The following ROBO2 variants were observed in gnomAD, a reference collection of about 807,000 sequenced individuals.
ROBO2 encodes the protein roundabout guidance receptor 2, also known as roundabout homolog 2.
A neutral mutation model predicts 160.8 loss-of-function variants in ROBO2; 53 were observed. The ratio of observed to expected loss-of-function variants is 0.33; its 90% CI spans 0.26 to 0.41. The LOEUF (loss-of-function observed/expected upper bound fraction) is 0.41, where lower values mean the gene tolerates loss of function less well. ROBO2 is among the 10% of genes least tolerant of loss of function. The pLI, the probability that ROBO2 is intolerant of heterozygous loss-of-function variation, is 1.00. For synonymous variants in ROBO2, 664 were observed against 611.7 expected, an observed-to-expected ratio of 1.09 and a Z score of -1.26; for missense variants, 1,577 against 1,722.4, an observed-to-expected ratio of 0.92 and a Z score of 1.49.
intron 2 of ROBO2, among the ~76,000 whole-genome samples, chr3:77,217,778 T>C (rs548778953): frequency 4.6e-5 from 7 of 152,318 alleles, no homozygotes; most frequent in African/African-American, 1.7e-4. Flanking sequence ...GCTATCTAGA[T>C]TAATTCTATT....
intron 2 of ROBO2, among the ~76,000 whole-genome samples, chr3:76,649,883 A>G (rs1237530345): frequency 6.6e-6 from 1 of 152,196 alleles, no homozygotes; most frequent in East Asian, 1.9e-4. Flanking sequence ...ATCCATGAAT[A>G]GTAATATTAT....
At chr3:76,087,696 C>G (rs1312268268) in intron 2 of ROBO2, among the ~76,000 whole-genome samples, 3 of 151,906 alleles carry the variant, frequency 2.0e-5, no homozygotes, top group African/African-American at 7.2e-5. Flanking sequence ...ATTGTTTATA[C>G]TTCTGTTCAT....
intron 23 of ROBO2, chr3:77,632,409 A>G: frequency 1.7e-6 from 2 of 1,204,224 alleles, no homozygotes; most frequent in Non-Finnish European, 2.2e-6. Context: ...TCATTAGTAT[A>G]GTGTGTACAA....
chr3:77,157,422 A>C (rs1240403944), intron 2 of ROBO2, among the ~76,000 whole-genome samples: 3 of 152,076 alleles, frequency 2.0e-5, no homozygotes. Context: ...ATGGCAGCTT[A>C]ATGATTCTCC....
intron 2 of ROBO2, among the ~76,000 whole-genome samples, chr3:76,649,890 T>A (rs2091172827): frequency 6.6e-6 from 1 of 152,160 alleles, no homozygotes; most frequent in Non-Finnish European, 1.5e-5. Context: ...AATAGTAATA[T>A]TATAGCATTG....
intron 24 of ROBO2, among the ~76,000 whole-genome samples, chr3:77,635,690 G>C (rs554001228): frequency 6.6e-6 from 1 of 152,006 alleles, no homozygotes; most frequent in Non-Finnish European, 1.5e-5. Flanking sequence ...TATAACATTC[G>C]GTACAGAAAC....
intron 2 of ROBO2, among the ~76,000 whole-genome samples, chr3:76,321,484 G>A (rs963480200): frequency 7.3e-6 from 1 of 137,610 alleles, no homozygotes; most frequent in Admixed American, 7.9e-5. Context: ...GCAACAGAGC[G>A]AGGCTCCATC....
chr3:76,305,555 T>C (rs1230324126), intron 2 of ROBO2, among the ~76,000 whole-genome samples: 1 of 151,500 alleles, frequency 6.6e-6, no homozygotes, highest in Non-Finnish European at 1.5e-5. Flanking sequence ...GGTCAGGAGT[T>C]CAAGACCAGC....
At chr3:77,419,870 C>T (rs1192287623) in intron 2 of ROBO2, among the ~76,000 whole-genome samples, 1 of 152,064 alleles carries the variant, frequency 6.6e-6, no homozygotes, top group Non-Finnish European at 1.5e-5. Context: ...TGATATTTTT[C>T]AAGTATGACC....
chr3:77,602,483 G>T, exon 20 of ROBO2: 2 of 1,614,104 alleles, frequency 1.2e-6, no homozygotes, highest in Non-Finnish European at 1.7e-6. Flanking sequence ...CAGAACAAAG[G>T]TAACAATGGT....
intron 6 of ROBO2, among the ~76,000 whole-genome samples, chr3:77,537,097 T>TTTG (rs1553650148): frequency 4.4e-5 from 3 of 67,992 alleles, no homozygotes; most frequent in Non-Finnish European, 9.0e-5. Context: ...ATACATATTT[T>TTTG]GTGGGGGGGG....
At chr3:76,901,292 A>T (rs1008790728) in intron 2 of ROBO2, among the ~76,000 whole-genome samples, 1 of 152,146 alleles carries the variant, frequency 6.6e-6, no homozygotes. Flanking sequence ...GCATTGGAAT[A>T]TAAGCTCCCC....
intron 2 of ROBO2, among the ~76,000 whole-genome samples, chr3:76,000,103 G>A (rs1008611088): frequency 6.6e-5 from 10 of 152,120 alleles, no homozygotes; most frequent in Admixed American, 5.9e-4. Flanking sequence ...TAGCCTCACA[G>A]TCATGGCAGA....
chr3:77,291,069 C>G (rs1315553201), intron 2 of ROBO2, among the ~76,000 whole-genome samples: 1 of 145,248 alleles, frequency 6.9e-6, no homozygotes, highest in Non-Finnish European at 1.5e-5. Context: ...GCTAGATCAC[C>G]CCAGACGTAA....
chr3:77,545,840 T>G (rs1406092154), intron 6 of ROBO2, among the ~76,000 whole-genome samples: 1 of 152,118 alleles, frequency 6.6e-6, no homozygotes, highest in Non-Finnish European at 1.5e-5. Flanking sequence ...GAATTCTAGA[T>G]ATAAGCACTT....
chr3:75,924,681 CTTTTTTTTT>C (rs60599175), intron 1 of ROBO2, among the ~76,000 whole-genome samples: 3 of 66,014 alleles, frequency 4.5e-5, no homozygotes, highest in Non-Finnish European at 2.5e-5. Context: ...ATTTTCTTTT[CTTTTTTTTT>C]TTTTTTTTTT....
intron 2 of ROBO2, among the ~76,000 whole-genome samples, chr3:76,759,159 G>T (rs557751317): frequency 6.6e-6 from 1 of 151,870 alleles, no homozygotes; most frequent in Non-Finnish European, 1.5e-5. Context: ...TGCAAATAAG[G>T]AAAGTGAGGC....
rs57419241 is a variant in ROBO2, at chr3:76,127,711, T to C, written c.109+190109T>C. Reference sequence around the variant, plus strand: ...GAGTGAACTCTACACTTACAGGTGATAACACAACTTCTTATAGGTTATAAC... The same window carrying C: ...GAGTGAACTCTACACTTACAGGTGACAACACAACTTCTTATAGGTTATAAC... On this transcript the variant is annotated intron_variant, in intron 2 of 26. Coordinates refer to the ROBO2 transcript ENST00000487694. 2.6e-5 allele frequency among the ~76,000 whole-genome samples: 4 copies of C among 152,148 alleles called. No individual in the cohort carries two copies. In the East Asian group the frequency reaches 7.7e-4, roughly 29 times the overall value.
At chr3:76,264,237 T>TA (rs562874983) in intron 2 of ROBO2, among the ~76,000 whole-genome samples, 19 of 150,152 alleles carry the variant, frequency 1.3e-4, no homozygotes, top group Admixed American at 2.7e-4. Flanking sequence ...AAAGTGAAAT[T>TA]AAAAAAAAAT....
Sources: allele counts gnomAD v4.1 joint callset (sites outside exome capture counted in the v4.1 genomes callset), GRCh38; gene constraint gnomAD v4.1.1; transcripts MANE v1.5; gene names NCBI Gene and HGNC (gene_info 2026-07-23, HGNC 2026-07-21).